The following ZDHHC20 variants were observed in gnomAD, a reference collection of about 807,000 sequenced individuals.
The protein encoded by ZDHHC20 is zDHHC palmitoyltransferase 20.
In ZDHHC20, 43 loss-of-function variants were observed where a neutral mutation model predicts 57.8. That is an observed-to-expected ratio of 0.74 (90% CI 0.58 to 0.96). The LOEUF is 0.96. Among genes scored for constraint, ZDHHC20 ranks in the 40% least tolerant of loss-of-function variants. The pLI, the probability that ZDHHC20 is intolerant of heterozygous loss-of-function variation, is 0.00. For synonymous variants in ZDHHC20, 157 were observed against 153.0 expected (o/e 1.03, Z -0.19); for missense variants, 391 against 441.1 (o/e 0.89, Z 1.02).
Position 21,391,667 on chromosome 13 carries a change from A to C in ZDHHC20, c.727+55T>G. On this transcript the variant is annotated intron_variant, in intron 8 of 12. Coordinates refer to ENST00000400590, the MANE Select transcript of ZDHHC20 (RefSeq NM_001330059.2). ...TGACCCTTGTTCTTCTCTAGATTTC[A>C]TATTTATTTATGGTCATTGTCCTAA... is the stretch of plus-strand genomic sequence containing the variant. 3 of 1,532,136 alleles carry C rather than the reference A, an allele frequency of 2.0e-6. 1 individual carries two copies. The South Asian group carries it at 3.7e-5, about 19-fold the overall frequency. The allele number at this position is 1,532,136 out of a possible 1,614,324, so 94.9% of individuals were successfully genotyped here. A position where few individuals can be genotyped will look rare whatever the true frequency, so the allele number is the denominator to read the frequency against.
At chr13:21,425,746 T>C in intron 1 of ZDHHC20, 68 bp from the exon 2 acceptor site, 1 of 932,492 alleles carries the variant, frequency 1.1e-6, no homozygotes. Flanking sequence ...TTATTTCAGG[T>C]TGAATATTCA....
chr13:21,437,433 G>T (rs1882668843), intron 1 of ZDHHC20, among the ~76,000 whole-genome samples: 1 of 152,194 alleles, frequency 6.6e-6, no homozygotes, highest in Non-Finnish European at 1.5e-5. Flanking sequence ...CGCTGCAGAT[G>T]AAACAGTCTT....
intron 1 of ZDHHC20, among the ~76,000 whole-genome samples, chr13:21,435,027 T>C (rs1215479165): frequency 3.9e-5 from 6 of 152,216 alleles, no homozygotes; most frequent in Non-Finnish European, 7.3e-5. Flanking sequence ...AACCCTTTTA[T>C]ACGGGTTGTA....
At chr13:21,401,931 C>T (rs368426241) in intron 5 of ZDHHC20, among the ~76,000 whole-genome samples, 1 of 152,182 alleles carries the variant, frequency 6.6e-6, no homozygotes, top group African/African-American at 2.4e-5. Context: ...TCAAATAATA[C>T]TGTAATATTT....
chr13:21,378,760 T>G (rs747494482), intron 11 of ZDHHC20, 22 bp from the exon 12 acceptor site: 19 of 1,196,402 alleles, frequency 1.6e-5, no homozygotes, highest in Non-Finnish European at 2.1e-5. Flanking sequence ...TAATTATATA[T>G]GACATGACAA....
chr13:21,419,697 G>C (rs915558465), intron 3 of ZDHHC20, among the ~76,000 whole-genome samples: 11 of 152,166 alleles, frequency 7.2e-5, no homozygotes, highest in African/African-American at 2.2e-4. Flanking sequence ...GCTGTTAGAA[G>C]GCAAGAGAGT....
At chr13:21,452,757 A>G (rs1453174241) in intron 1 of ZDHHC20, among the ~76,000 whole-genome samples, 3 of 152,212 alleles carry the variant, frequency 2.0e-5, no homozygotes, top group Non-Finnish European at 4.4e-5. Flanking sequence ...GTAGACTGTG[A>G]TAACTCAAAG....
chr13:21,434,087 C>CGTGTGTGT (rs4062876), intron 1 of ZDHHC20, among the ~76,000 whole-genome samples: 1 of 150,612 alleles, frequency 6.6e-6, no homozygotes, highest in East Asian at 1.9e-4. Flanking sequence ...TCCTTTCCTA[C>CGTGTGTGT]GTGTGTGTGT....
At chr13:21,435,592 G>C (rs1882462033) in intron 1 of ZDHHC20, among the ~76,000 whole-genome samples, 1 of 152,082 alleles carries the variant, frequency 6.6e-6, no homozygotes, top group Non-Finnish European at 1.5e-5. Context: ...ATATGTGAGT[G>C]AATCAATAAA....
chr13:21,390,835 G>A (rs1029033765), intron 8 of ZDHHC20, among the ~76,000 whole-genome samples: 2 of 151,844 alleles, frequency 1.3e-5, no homozygotes, highest in Non-Finnish European at 2.9e-5. Context: ...AGGAGGTCAA[G>A]GCTGCAGTGA....
intron 1 of ZDHHC20, among the ~76,000 whole-genome samples, chr13:21,439,629 A>T (rs956212568): frequency 3.9e-5 from 6 of 152,250 alleles, no homozygotes; most frequent in Non-Finnish European, 7.3e-5. Flanking sequence ...GAGACATGAC[A>T]TCTGCAATGT....
At chr13:21,392,483 C>T (rs1228461948) in intron 7 of ZDHHC20, among the ~76,000 whole-genome samples, 2 of 152,168 alleles carry the variant, frequency 1.3e-5, no homozygotes, top group Non-Finnish European at 2.9e-5. Flanking sequence ...TCAATTCCTA[C>T]TTTTTTCATC....
intron 7 of ZDHHC20, 134 bp downstream of exon 7, chr13:21,400,239 C>T: frequency 1.2e-6 from 1 of 807,994 alleles, no homozygotes; most frequent in African/African-American, 1.8e-5. Context: ...CCTATCTGTC[C>T]TCTGATGGAT....
At chr13:21,437,509 A>G (rs868170558) in intron 1 of ZDHHC20, among the ~76,000 whole-genome samples, 16 of 152,294 alleles carry the variant, frequency 1.1e-4, no homozygotes, top group Middle Eastern at 3.4e-3. Flanking sequence ...TCCAGCTTCA[A>G]AGAATAGGGA....
At position 21,374,923 on chromosome 13, in the gene ZDHHC20, C is replaced by T. The variant is rs1004037202; in HGVS notation, c.*1773G>A. Reference sequence around the variant, plus strand: ...CTGAGGTGGGTGGATTATTTGAGGTCAGGAGTTAGTGATCAGCCTGGTCAA... The same window carrying T: ...CTGAGGTGGGTGGATTATTTGAGGTTAGGAGTTAGTGATCAGCCTGGTCAA... On this transcript the variant is annotated 3_prime_UTR_variant, in exon 13 of 13. Transcript: ENST00000400590. The T allele has an allele frequency of 5.8e-6, 2 of 343,346 alleles. No homozygotes were observed. The highest frequency in any genetic ancestry group is 4.3e-5 in the African/African-American group (2 of 45,990). 21.3% of individuals were successfully genotyped at this position (343,346 alleles called of 1,614,324 possible).
chr13:21,424,105 T>C (rs921616403), intron 2 of ZDHHC20, among the ~76,000 whole-genome samples: 4 of 152,166 alleles, frequency 2.6e-5, no homozygotes, highest in Non-Finnish European at 4.4e-5. Flanking sequence ...ACACGAGACC[T>C]AGAATATGGT....
At chr13:21,427,997 T>C (rs1471085721) in intron 1 of ZDHHC20, among the ~76,000 whole-genome samples, 3 of 152,154 alleles carry the variant, frequency 2.0e-5, no homozygotes, top group Admixed American at 2.0e-4. Flanking sequence ...ATTACTGGTT[T>C]ACAGTTCATA....
intron 4 of ZDHHC20, among the ~76,000 whole-genome samples, chr13:21,409,937 T>G (rs946505858): frequency 6.6e-6 from 1 of 152,078 alleles, no homozygotes; most frequent in African/African-American, 2.4e-5. Flanking sequence ...TGGCAAGGAG[T>G]TGTGACCCTT....
chr13:21,422,728 C>T (rs1050144029), intron 2 of ZDHHC20, among the ~76,000 whole-genome samples: 4 of 152,144 alleles, frequency 2.6e-5, no homozygotes, highest in African/African-American at 9.7e-5. Flanking sequence ...TGGATTGCTG[C>T]AAAAGCCAAT....
Sources: allele counts gnomAD v4.1 joint callset (sites outside exome capture counted in the v4.1 genomes callset), GRCh38; gene constraint gnomAD v4.1.1; transcripts MANE v1.5; gene names NCBI Gene and HGNC (gene_info 2026-07-23, HGNC 2026-07-21).